SCRG1: variants seen among roughly 807,000 people sequenced by gnomAD.
SCRG1 encodes the protein stimulator of chondrogenesis 1, also known as scrapie-responsive protein 1.
SCRG1 carries 3 observed loss-of-function variants against 7.7 expected under a neutral mutation model. That is an observed-to-expected ratio of 0.39 (90% CI 0.18 to 1.01). The LOEUF (loss-of-function observed/expected upper bound fraction) is 1.01, where lower values mean the gene tolerates loss of function less well. Among genes scored for constraint, SCRG1 ranks in the 50% least tolerant of loss-of-function variants. The pLI is 0.36. For synonymous variants in SCRG1, 46 were observed against 41.2 expected (o/e 1.12, Z -0.44); for missense variants, 110 against 117.2 (o/e 0.94, Z 0.28).
chr4:173,479,280 T>C, the SCRG1 span, among the ~76,000 whole-genome samples: 6 of 152,052 alleles, frequency 3.9e-5, no homozygotes, highest in African/African-American at 1.2e-4. Flanking sequence ...AATAGATATA[T>C]GAGAAGAAAA....
chr4:173,485,089 T>A, the SCRG1 span, among the ~76,000 whole-genome samples: 362 of 4,674 alleles, frequency 0.077, 62 homozygotes, highest in African/African-American at 0.18. Flanking sequence ...TATAATATAT[T>A]ATATATTATA....
the SCRG1 span, among the ~76,000 whole-genome samples, chr4:173,427,764 G>C: frequency 3.9e-5 from 6 of 152,190 alleles, no homozygotes; most frequent in Admixed American, 3.9e-4. Context: ...GGTAGTGGGA[G>C]TTAGGACTCT....
At chr4:173,508,732 C>T in the SCRG1 span, among the ~76,000 whole-genome samples, 4 of 152,208 alleles carry the variant, frequency 2.6e-5, no homozygotes, top group African/African-American at 9.7e-5. This position sits in a 1 kb window ranked among gnomAD's most constrained non-coding sequence, Gnocchi z 4.4. Flanking sequence ...GAGTTATGGA[C>T]ATCGCCGCCT....
At chr4:173,509,984 G>T in the SCRG1 span, among the ~76,000 whole-genome samples, 1 of 152,090 alleles carries the variant, frequency 6.6e-6, no homozygotes, top group Non-Finnish European at 1.5e-5. The surrounding 1 kb of genome is among the most constrained non-coding windows in gnomAD (Gnocchi z 5.7). Flanking sequence ...AAATTCATAT[G>T]CGGGCTCATT....
the SCRG1 span, among the ~76,000 whole-genome samples, chr4:173,422,672 T>C: frequency 6.6e-6 from 1 of 152,176 alleles, no homozygotes; most frequent in Non-Finnish European, 1.5e-5. Flanking sequence ...TGGAATTTAG[T>C]ATTATGATTC....
the SCRG1 span, chr4:173,419,690 G>A: frequency 2.4e-6 from 2 of 832,136 alleles, no homozygotes; most frequent in Non-Finnish European, 4.1e-6. Flanking sequence ...TCCCTTCGGG[G>A]CACCAAACAC....
At chr4:173,502,317 G>C in the SCRG1 span, among the ~76,000 whole-genome samples, 1 of 152,270 alleles carries the variant, frequency 6.6e-6, no homozygotes, top group African/African-American at 2.4e-5. This position sits in a 1 kb window ranked among gnomAD's most constrained non-coding sequence, Gnocchi z 4.6. Context: ...CCAGGCAGGT[G>C]GGGGTAGTTT....
chr4:173,446,259 T>C, the SCRG1 span, among the ~76,000 whole-genome samples: 1 of 152,188 alleles, frequency 6.6e-6, no homozygotes, highest in African/African-American at 2.4e-5. Context: ...ATAATATATA[T>C]TTGCCTTTTT....
At chr4:173,518,950 C>G in the SCRG1 span, among the ~76,000 whole-genome samples, 390 of 151,804 alleles carry the variant, frequency 2.6e-3, 1 homozygote, top group Non-Finnish European at 4.0e-3. Context: ...GAGTTGCCCC[C>G]ACGTCCTGTC....
Position 173,391,341 on chromosome 4 carries a change from C to T in SCRG1, c.74G>A (p.Arg25His), listed in dbSNP as rs757953805. 2.9e-5 allele frequency: 47 copies of T among 1,614,020 alleles called. No individual in the cohort carries two copies. Among genetic ancestry groups the T allele is most frequent in the South Asian group, 1.9e-4 (17 of 91,088 alleles). ...TAGTATCTTTCTGTAGCAAGAGAGG[C>T]GATTTGCAGGCATGGCTTGAACTCC... ...LLGVQAMPAN[R>H]LSCYRKILKD... Residue 25 changes from arginine (R) to histidine (H), a missense_variant, in exon 2 of 3, where the codon CGC (arginine) becomes CAC (histidine). Physicochemically the swap from Arg to His is conservative, Grantham distance 29. Coordinates refer to ENST00000296506, the MANE Select transcript of SCRG1 (RefSeq NM_007281.4).
At chr4:173,487,972 G>C in the SCRG1 span, among the ~76,000 whole-genome samples, 2 of 151,832 alleles carry the variant, frequency 1.3e-5, no homozygotes, top group African/African-American at 4.8e-5. Flanking sequence ...GTGGTGGCAC[G>C]CACCTGTGGT....
the SCRG1 span, among the ~76,000 whole-genome samples, chr4:173,455,258 G>T: frequency 6.6e-6 from 1 of 152,022 alleles, no homozygotes; most frequent in Non-Finnish European, 1.5e-5. Context: ...TATTAAGGGG[G>T]TATTAAAACA....
At chr4:173,515,895 T>A in the SCRG1 span, among the ~76,000 whole-genome samples, 11 of 152,270 alleles carry the variant, frequency 7.2e-5, no homozygotes, top group Non-Finnish European at 8.8e-5. The surrounding 1 kb of genome is among the most constrained non-coding windows in gnomAD (Gnocchi z 4.6). Flanking sequence ...AGAAGTGTAT[T>A]AGTTGGGGCC....
chr4:173,428,664 A>G, the SCRG1 span, among the ~76,000 whole-genome samples: 7 of 152,216 alleles, frequency 4.6e-5, no homozygotes, highest in Non-Finnish European at 1.0e-4. Flanking sequence ...TTTGAATTGC[A>G]GAAGGAAGAA....
the SCRG1 span, among the ~76,000 whole-genome samples, chr4:173,513,147 G>T: frequency 3.1e-3 from 467 of 152,092 alleles, 2 homozygotes; most frequent in African/African-American, 0.01. Context: ...TGGAGAGAGG[G>T]GACACACAAA....
chr4:173,462,948 A>G, the SCRG1 span, among the ~76,000 whole-genome samples: 3 of 152,310 alleles, frequency 2.0e-5, no homozygotes, highest in South Asian at 6.2e-4. Context: ...CAAAAAACAT[A>G]CAACGGACAC....
chr4:173,458,758 A>C, the SCRG1 span, among the ~76,000 whole-genome samples: 2 of 152,224 alleles, frequency 1.3e-5, no homozygotes, highest in African/African-American at 4.8e-5. Context: ...TTACCTATCA[A>C]TAATACCTTG....
upstream of SCRG1, among the ~76,000 whole-genome samples, chr4:173,403,832 T>C (rs1739823359): frequency 6.6e-6 from 1 of 152,190 alleles, no homozygotes; most frequent in African/African-American, 2.4e-5. Flanking sequence ...GACAACCTAC[T>C]CACTTACCAA....
At chr4:173,410,684 G>A (rs531251245), upstream of SCRG1, among the ~76,000 whole-genome samples, 1 of 152,102 alleles carries the variant, frequency 6.6e-6, no homozygotes, top group Non-Finnish European at 1.5e-5. Context: ...TAAACTGATC[G>A]AGATCCCTAC....
Sources: gnomAD v4.1 joint callset for allele counts (sites outside exome capture counted in the v4.1 genomes callset) on GRCh38, gnomAD v4.1.1 for gene constraint, Gnocchi (gnomAD v3.1) non-coding constraint, MANE v1.5 for transcripts, NCBI Gene and HGNC (gene_info 2026-07-23, HGNC 2026-07-21) for gene names.